CNTNAP2: variants seen among roughly 807,000 people sequenced by gnomAD.
CNTNAP2 encodes the protein contactin-associated protein-like 2.
A neutral mutation model predicts 155.2 loss-of-function variants in CNTNAP2; 98 were observed. The observed-to-expected ratio is 0.63, with a 90% CI of 0.54 to 0.75. The LOEUF (loss-of-function observed/expected upper bound fraction) is 0.75. Ranked by LOEUF, CNTNAP2 falls within the 30% of genes least tolerant of loss-of-function variation. CNTNAP2 has a pLI of 0.00. For synonymous variants in CNTNAP2, 651 were observed against 631.2 expected (o/e 1.03, Z -0.47); for missense variants, 1,727 against 1,688.1 (o/e 1.02, Z -0.40).
chr7:147,403,765 T>C (rs1796957933), intron 10 of CNTNAP2, among the ~76,000 whole-genome samples: 1 of 152,160 alleles, frequency 6.6e-6, no homozygotes, highest in East Asian at 1.9e-4. Flanking sequence ...TCCCAGAACC[T>C]ACTTTATATG....
chr7:147,734,429 T>TG (rs1796800973), intron 13 of CNTNAP2, among the ~76,000 whole-genome samples: 2 of 152,308 alleles, frequency 1.3e-5, no homozygotes, highest in Admixed American at 1.3e-4. Context: ...AGTATTTTAT[T>TG]GGGGATTTTT....
chr7:146,890,906 A>C (rs1293144168), intron 3 of CNTNAP2, among the ~76,000 whole-genome samples: 1 of 152,194 alleles, frequency 6.6e-6, no homozygotes. Flanking sequence ...CCAAAGGAAA[A>C]TAAATCATTC....
rs186477364 is a variant in CNTNAP2 at position 146,632,426 on chromosome 7, A to G, written c.98-141845A>G. 3.2e-4 allele frequency among the ~76,000 whole-genome samples: 48 copies of G among 152,266 alleles called. No individual in the cohort carries two copies. In the East Asian group the frequency reaches 8.9e-3, roughly 28 times the overall value. ...AAATGCCTCAAATATACTGGCATCCAATAATAAGATTTTAAAATATCAGAT... is the reference window on the plus strand; with the variant it reads ...AAATGCCTCAAATATACTGGCATCCGATAATAAGATTTTAAAATATCAGAT... On this transcript the variant is annotated intron_variant, in intron 1 of 23. Transcript: ENST00000361727.
At chr7:146,990,146 T>C (rs1282434704) in intron 3 of CNTNAP2, among the ~76,000 whole-genome samples, 1 of 152,210 alleles carries the variant, frequency 6.6e-6, no homozygotes, top group African/African-American at 2.4e-5. Context: ...CAATGATATT[T>C]GAACTTCTGT....
intron 1 of CNTNAP2, among the ~76,000 whole-genome samples, chr7:146,705,781 AGC>A (rs1800954214): frequency 1.3e-5 from 2 of 152,082 alleles, no homozygotes; most frequent in Non-Finnish European, 2.9e-5. Flanking sequence ...GTATGGGGGA[AGC>A]TGCCCTAATG....
chr7:146,833,217 AT>A (rs1191411778), intron 2 of CNTNAP2, among the ~76,000 whole-genome samples: 1 of 152,146 alleles, frequency 6.6e-6, no homozygotes, highest in Non-Finnish European at 1.5e-5. Flanking sequence ...AAGCCTATTT[AT>A]CTCCACTAGC....
At chr7:146,639,007 C>G (rs1348431173) in intron 1 of CNTNAP2, among the ~76,000 whole-genome samples, 2 of 151,974 alleles carry the variant, frequency 1.3e-5, no homozygotes, top group African/African-American at 4.8e-5. Context: ...ATTTGTGTGT[C>G]AAAACTTATC....
intron 8 of CNTNAP2, among the ~76,000 whole-genome samples, chr7:147,217,952 T>A (rs186016402): frequency 6.6e-6 from 1 of 152,102 alleles, no homozygotes; most frequent in African/African-American, 2.4e-5. Context: ...ATAATATTCG[T>A]TATCTTTTAA....
At chr7:148,397,874 A>G (rs951987518) in intron 22 of CNTNAP2, among the ~76,000 whole-genome samples, 3 of 152,236 alleles carry the variant, frequency 2.0e-5, no homozygotes, top group Admixed American at 6.5e-5. Flanking sequence ...TCAGGAAGCA[A>G]AACTAGTTGT....
intron 1 of CNTNAP2, among the ~76,000 whole-genome samples, chr7:146,514,158 T>C (rs1797508386): frequency 6.6e-6 from 1 of 152,070 alleles, no homozygotes; most frequent in Admixed American, 6.6e-5. Context: ...ACTTTAGGAT[T>C]CTCTCTTTGC....
intron 15 of CNTNAP2, among the ~76,000 whole-genome samples, chr7:148,047,816 G>C (rs1409054480): frequency 6.6e-6 from 1 of 152,214 alleles, no homozygotes; most frequent in Non-Finnish European, 1.5e-5. Context: ...AATAATTACT[G>C]TTGACTACAC....
chr7:148,113,296 T>TGGAGCA lies in CNTNAP2; in HGVS notation c.2384-4815_2384-4810dup, dbSNP rs1804396549. ...AGGGGATGTACACATACCCCGTGGA[T>TGGAGCA]GGAGCAGGAGCAAGAGAGAGAAGGG... On this transcript the variant is annotated intron_variant, in intron 15 of 23. Coordinates refer to ENST00000361727, the MANE Select transcript of CNTNAP2 (RefSeq NM_014141.6). Among the ~76,000 whole-genome samples the TGGAGCA allele has an allele frequency of 4.6e-5, 7 of 152,132 alleles. No homozygotes were observed. The South Asian group carries it at 1.5e-3, about 32-fold the overall frequency.
chr7:146,870,334 A>G (rs974415160), intron 3 of CNTNAP2, among the ~76,000 whole-genome samples: 1 of 151,900 alleles, frequency 6.6e-6, no homozygotes, highest in African/African-American at 2.4e-5. Context: ...TCAGCAATGT[A>G]TCCATCTCTT....
chr7:148,231,684 A>T lies in CNTNAP2; in HGVS notation c.3381+1905A>T, dbSNP rs1373492824. ...GGGCTCATGTCTTCCCAATTTTGTT[A>T]CCGGAAGAAGGGGTCCTAGTTTCTT... On this transcript the variant is annotated intron_variant, in intron 20 of 23. Transcript: ENST00000361727. Among the ~76,000 whole-genome samples the T allele has an allele frequency of 2.0e-5, 3 of 152,036 alleles. No individual in the cohort carries two copies. In the East Asian group the frequency reaches 5.8e-4, roughly 29 times the overall value.
chr7:147,782,237 T>G (rs775089927), intron 13 of CNTNAP2, among the ~76,000 whole-genome samples: 3 of 152,282 alleles, frequency 2.0e-5, no homozygotes, highest in South Asian at 4.1e-4. Flanking sequence ...ATTCAGTAAG[T>G]GCTAAGGTCA....
chr7:146,715,944 T>C (rs1337927144), intron 1 of CNTNAP2, among the ~76,000 whole-genome samples: 1 of 152,038 alleles, frequency 6.6e-6, no homozygotes, highest in Non-Finnish European at 1.5e-5. Context: ...AATGCCTAAG[T>C]CACAGTGTTG....
intron 1 of CNTNAP2, among the ~76,000 whole-genome samples, chr7:146,381,677 C>A (rs887263729): frequency 6.6e-6 from 1 of 151,960 alleles, no homozygotes; most frequent in Non-Finnish European, 1.5e-5. Context: ...GTTCAAAGAC[C>A]TATATCAGTT....
intron 13 of CNTNAP2, among the ~76,000 whole-genome samples, chr7:147,740,214 T>A (rs1026774562): frequency 2.0e-5 from 3 of 152,216 alleles, no homozygotes; most frequent in Non-Finnish European, 4.4e-5. Flanking sequence ...TTTGGTAATA[T>A]GCAAGGATTT....
chr7:147,773,712 T>A (rs1797512336), intron 13 of CNTNAP2, among the ~76,000 whole-genome samples: 1 of 152,124 alleles, frequency 6.6e-6, no homozygotes, highest in Non-Finnish European at 1.5e-5. Context: ...TCCTTCTTCT[T>A]TGTACTCTCC....
Sources: allele counts gnomAD v4.1 joint callset (sites outside exome capture counted in the v4.1 genomes callset), GRCh38; gene constraint gnomAD v4.1.1; transcripts MANE v1.5; gene names NCBI Gene and HGNC (gene_info 2026-07-23, HGNC 2026-07-21).